Variants in NLGN1 observed in about 807,000 individuals in gnomAD.
NLGN1 encodes neuroligin-1.
Under a neutral mutation model 65.5 loss-of-function variants are expected in NLGN1, and 12 were observed. That is an observed-to-expected ratio of 0.18 (90% CI 0.12 to 0.30). NLGN1 has a LOEUF of 0.30. Among genes scored for constraint, NLGN1 ranks in the 10% least tolerant of loss-of-function variants. The probability of loss-of-function intolerance (pLI) is 1.00; values close to 1 mark genes in which losing one functional copy is unlikely to be tolerated. For synonymous variants in NLGN1, 350 were observed against 359.5 expected, an observed-to-expected ratio of 0.97 and a Z score of 0.30; for missense variants, 750 against 1,007.1, an observed-to-expected ratio of 0.74 and a Z score of 3.46.
chr3:174,159,737 T>C (rs1011491628), intron 4 of NLGN1, among the ~76,000 whole-genome samples: 5 of 151,762 alleles, frequency 3.3e-5, no homozygotes, highest in African/African-American at 1.2e-4. Context: ...ATTTGTACTA[T>C]AGTCATCAAA....
At chr3:173,655,280 C>T (rs928223865) in intron 3 of NLGN1, among the ~76,000 whole-genome samples, 3 of 152,074 alleles carry the variant, frequency 2.0e-5, no homozygotes, top group Non-Finnish European at 4.4e-5. Flanking sequence ...ATATAAAGCA[C>T]CTCTGTAGAA....
At chr3:173,842,537 G>A (rs910685679) in intron 4 of NLGN1, among the ~76,000 whole-genome samples, 3 of 152,158 alleles carry the variant, frequency 2.0e-5, no homozygotes, top group Admixed American at 2.0e-4. Context: ...GATAAATACA[G>A]CCATTCCAAA....
At chr3:173,734,743 A>G (rs745542729) in intron 3 of NLGN1, among the ~76,000 whole-genome samples, 62 of 151,578 alleles carry the variant, frequency 4.1e-4, no homozygotes, top group Non-Finnish European at 1.6e-4. Flanking sequence ...AATAAATCAC[A>G]TTTTTCCCCT....
intron 4 of NLGN1, among the ~76,000 whole-genome samples, chr3:174,112,032 T>C (rs1001721102): frequency 6.6e-6 from 1 of 151,820 alleles, no homozygotes; most frequent in African/African-American, 2.4e-5. Context: ...GAGTGAGAAG[T>C]TGATGCATAA....
chr3:174,282,237 G>A (rs1243206122), exon 7 of NLGN1: 1 of 152,006 alleles, frequency 6.6e-6, no homozygotes, highest in Non-Finnish European at 1.5e-5. Flanking sequence ...AACCCTAATT[G>A]GACATGTGGT....
At chr3:173,495,870 T>C (rs1481248308) in intron 2 of NLGN1, among the ~76,000 whole-genome samples, 1 of 151,754 alleles carries the variant, frequency 6.6e-6, no homozygotes, top group Non-Finnish European at 1.5e-5. Flanking sequence ...TTGTGTTTCC[T>C]AGAAGACATA....
intron 4 of NLGN1, among the ~76,000 whole-genome samples, chr3:174,229,299 G>A (rs921555535): frequency 1.3e-5 from 2 of 152,108 alleles, no homozygotes; most frequent in African/African-American, 2.4e-5. Context: ...AACTAGTGGT[G>A]TGATCTTGTG....
At chr3:173,688,773 A>T (rs948270771) in intron 3 of NLGN1, among the ~76,000 whole-genome samples, 4 of 152,230 alleles carry the variant, frequency 2.6e-5, no homozygotes, top group African/African-American at 9.6e-5. Flanking sequence ...TAGTTCTTGT[A>T]GTCAGCATTC....
chr3:173,825,775 T>C (rs1244517776), intron 4 of NLGN1, among the ~76,000 whole-genome samples: 2 of 152,096 alleles, frequency 1.3e-5, no homozygotes, highest in African/African-American at 4.8e-5. Flanking sequence ...GCTGGAGTTT[T>C]CTCAGGTGAA....
intron 2 of NLGN1, among the ~76,000 whole-genome samples, chr3:173,489,006 T>C (rs1728624182): frequency 1.3e-5 from 2 of 151,938 alleles, no homozygotes; most frequent in South Asian, 4.1e-4. Flanking sequence ...CTACACCTAA[T>C]CTGATCTTTA....
chr3:174,010,597 A>G (rs1251565897), intron 4 of NLGN1, among the ~76,000 whole-genome samples: 7 of 152,176 alleles, frequency 4.6e-5, no homozygotes, highest in Non-Finnish European at 1.0e-4. Context: ...CTACATATAG[A>G]CACAATTCTT....
At chr3:174,254,652 A>G (rs1217632059) in intron 4 of NLGN1, among the ~76,000 whole-genome samples, 1 of 152,136 alleles carries the variant, frequency 6.6e-6, no homozygotes, top group Non-Finnish European at 1.5e-5. Flanking sequence ...ACGTAATGTC[A>G]GGAATGGTAG....
chr3:173,554,109 T>A lies in NLGN1; in HGVS notation c.-320-50170T>A, dbSNP rs548937415. ...CCAGCAAATAATTTTAATTTTTTAA[T>A]ATTTGAATCCACTTTATTTTTAAAA... On this transcript the variant is annotated intron_variant, in intron 2 of 6. Transcript: ENST00000457714. Among the ~76,000 whole-genome samples, 205 of 152,260 alleles carry A rather than the reference T, an allele frequency of 1.3e-3. 1 individual carries two copies. Among genetic ancestry groups the A allele is most frequent in the African/African-American group, 4.5e-3 (189 of 41,584 alleles).
At chr3:173,752,764 C>A (rs946016678) in intron 3 of NLGN1, among the ~76,000 whole-genome samples, 1 of 152,042 alleles carries the variant, frequency 6.6e-6, no homozygotes, top group Non-Finnish European at 1.5e-5. Context: ...CCCAGTGATT[C>A]TGCTACTGTT....
At chr3:174,098,384 A>C (rs1281396203) in intron 4 of NLGN1, among the ~76,000 whole-genome samples, 1 of 152,210 alleles carries the variant, frequency 6.6e-6, no homozygotes, top group Non-Finnish European at 1.5e-5. Flanking sequence ...TTTTCTTACT[A>C]TAATATGCAT....
chr3:173,516,165 A>C (rs1733778153), intron 2 of NLGN1, among the ~76,000 whole-genome samples: 1 of 152,086 alleles, frequency 6.6e-6, no homozygotes, highest in South Asian at 2.1e-4. Context: ...ATCATCCCTG[A>C]TGATAGTGAC....
chr3:174,224,503 A>T (rs1245056058), intron 4 of NLGN1, among the ~76,000 whole-genome samples: 1 of 152,186 alleles, frequency 6.6e-6, no homozygotes, highest in Non-Finnish European at 1.5e-5. Flanking sequence ...GTTTAAGACC[A>T]GCCTGACCAA....
chr3:174,234,605 C>T (rs772292778), intron 4 of NLGN1, among the ~76,000 whole-genome samples: 1 of 152,078 alleles, frequency 6.6e-6, no homozygotes, highest in African/African-American at 2.4e-5. Flanking sequence ...TTTTTTCTAT[C>T]TATTGGGAGA....
intron 4 of NLGN1, among the ~76,000 whole-genome samples, chr3:174,101,532 G>A (rs1017933557): frequency 3.9e-4 from 60 of 152,074 alleles, no homozygotes; most frequent in Admixed American, 1.3e-3. Flanking sequence ...CAGCCTAATG[G>A]CCTCCCAATT....
Sources: gnomAD v4.1 joint callset for allele counts (sites outside exome capture counted in the v4.1 genomes callset) on GRCh38, gnomAD v4.1.1 for gene constraint, MANE v1.5 for transcripts, NCBI Gene and HGNC (gene_info 2026-07-23, HGNC 2026-07-21) for gene names.